The following CREB5 variants were observed in gnomAD, a reference collection of about 807,000 sequenced individuals.
CREB5 encodes the protein cyclic AMP-responsive element-binding protein 5.
CREB5 carries 19 observed loss-of-function variants against 57.1 expected under a neutral mutation model. The observed-to-expected ratio is 0.33, with a 90% CI of 0.23 to 0.49. CREB5 has a LOEUF of 0.49. Ranked by LOEUF, CREB5 falls within the 20% of genes least tolerant of loss-of-function variation. The pLI is 0.99. For missense variants in CREB5, 579 were observed against 671.6 expected (o/e 0.86, Z 1.52); for synonymous variants, 238 against 238.3 (o/e 1.00, Z 0.01).
intron 8 of CREB5, among the ~76,000 whole-genome samples, chr7:28,804,840 G>T (rs554987951): frequency 2.4e-4 from 36 of 152,334 alleles, no homozygotes; most frequent in African/African-American, 8.4e-4. Flanking sequence ...CAATGGATTA[G>T]GAAGAACTTA....
chr7:28,355,440 A>G (rs1388950181), intron 1 of CREB5, among the ~76,000 whole-genome samples: 1 of 152,234 alleles, frequency 6.6e-6, no homozygotes, highest in Non-Finnish European at 1.5e-5. Context: ...ATTTCTTAAA[A>G]TCATAATAAG....
chr7:28,482,649 C>T (rs1382015296), intron 1 of CREB5, among the ~76,000 whole-genome samples: 1 of 152,196 alleles, frequency 6.6e-6, no homozygotes, highest in Admixed American at 6.5e-5. Flanking sequence ...AAGGCTCTTC[C>T]CACACTCACA....
intron 4 of CREB5, among the ~76,000 whole-genome samples, chr7:28,554,330 CTGAAGTTCTGGG>C (rs1315139654): frequency 6.6e-6 from 1 of 152,172 alleles, no homozygotes; most frequent in Admixed American, 6.5e-5. Flanking sequence ...TATTTCAACT[CTGAAGTTCTGGG>C]TGCAGGTACT....
At chr7:28,798,089 C>G (rs1583769360) in intron 7 of CREB5, among the ~76,000 whole-genome samples, 2 of 152,182 alleles carry the variant, frequency 1.3e-5, no homozygotes, top group East Asian at 1.9e-4. Flanking sequence ...CTTCTGTGGT[C>G]AACCCAGAAA....
rs1809757557 is a variant in CREB5, at chr7:28,821,316, C to T, written c.*2037C>T. 1 of 151,916 alleles carries T rather than the reference C, an allele frequency of 6.6e-6. No individual in the cohort carries two copies. The highest frequency in any genetic ancestry group is 6.6e-5 in the Admixed American group (1 of 15,228). 9.4% of individuals were successfully genotyped at this position (151,916 alleles called of 1,614,324 possible). A position where few individuals can be genotyped will look rare whatever the true frequency, so the allele number is the denominator to read the frequency against. On this transcript the variant is annotated 3_prime_UTR_variant, in exon 11 of 11. Transcript: ENST00000357727. Reference sequence around the variant, plus strand: ...GTCTCGAAGCATGATTTTTATATAACTAGTTTCAGTTTTATCTAATAACTT... The same window carrying T: ...GTCTCGAAGCATGATTTTTATATAATTAGTTTCAGTTTTATCTAATAACTT...
intron 1 of CREB5, among the ~76,000 whole-genome samples, chr7:28,438,671 C>T (rs1215648881): frequency 6.6e-6 from 1 of 152,140 alleles, no homozygotes; most frequent in African/African-American, 2.4e-5. Context: ...TGTTTACATA[C>T]ACGTTAACCT....
At chr7:28,729,237 A>G (rs1181794288) in intron 7 of CREB5, among the ~76,000 whole-genome samples, 1 of 152,190 alleles carries the variant, frequency 6.6e-6, no homozygotes, top group East Asian at 1.9e-4. Context: ...GAGGCCCACT[A>G]AAGATTTAGG....
chr7:28,769,060 C>G (rs796139843), intron 7 of CREB5, among the ~76,000 whole-genome samples: 2 of 152,182 alleles, frequency 1.3e-5, no homozygotes, highest in African/African-American at 4.8e-5. Flanking sequence ...CTAAAGGAAA[C>G]ACATTTATTT....
intron 1 of CREB5, among the ~76,000 whole-genome samples, chr7:28,418,250 A>G (rs755225059): frequency 1.5e-4 from 23 of 152,220 alleles, no homozygotes; most frequent in Non-Finnish European, 2.5e-4. Context: ...CACCTTTTAA[A>G]ATATTAGAAG....
chr7:28,445,363 A>G (rs1319349351), intron 1 of CREB5, among the ~76,000 whole-genome samples: 1 of 152,122 alleles, frequency 6.6e-6, no homozygotes, highest in African/African-American at 2.4e-5. Flanking sequence ...CTATCTTACA[A>G]AAGGATTTTC....
At chr7:28,560,937 CGT>C (rs368310579) in intron 4 of CREB5, among the ~76,000 whole-genome samples, 2,352 of 35,064 alleles carry the variant, frequency 0.067, 354 homozygotes, top group African/African-American at 0.18. Flanking sequence ...TGCGTGTGTG[CGT>C]GCGTGTGTGT....
At position 28,472,403 on chromosome 7, in the gene CREB5, T is replaced by C. The variant is rs561213097; in HGVS notation, c.4-15772T>C. On this transcript the variant is annotated intron_variant, in intron 1 of 10. Coordinates refer to ENST00000357727, the MANE Select transcript of CREB5 (RefSeq NM_182898.4). ...AAAAAAATCTATGACATAGGTATTA[T>C]CTCTATTTATAGATGAGGAAATATG... Among the ~76,000 whole-genome samples, 55 of 152,356 alleles carry C rather than the reference T, an allele frequency of 3.6e-4. No homozygotes were observed. The South Asian group carries it at 3.9e-3, about 11-fold the overall frequency.
chr7:28,559,361 C>A (rs1262427836), intron 4 of CREB5, among the ~76,000 whole-genome samples: 1 of 152,216 alleles, frequency 6.6e-6, no homozygotes, highest in South Asian at 2.1e-4. Flanking sequence ...GTCACCCAGG[C>A]TGGAGTGCAG....
intron 1 of CREB5, among the ~76,000 whole-genome samples, chr7:28,332,921 T>C (rs1356283624): frequency 2.0e-5 from 3 of 152,240 alleles, no homozygotes; most frequent in African/African-American, 7.2e-5. Context: ...TGACATAAGA[T>C]ACTGTATATA....
intron 3 of CREB5, among the ~76,000 whole-genome samples, chr7:28,506,631 C>T (rs1319509504): frequency 2.0e-5 from 3 of 152,220 alleles, no homozygotes; most frequent in East Asian, 3.9e-4. Flanking sequence ...GCTAGGCTTT[C>T]TTCCGTGGTC....
intron 5 of CREB5, among the ~76,000 whole-genome samples, chr7:28,591,091 A>T (rs796777298): frequency 1.3e-5 from 2 of 152,338 alleles, no homozygotes; most frequent in African/African-American, 2.4e-5. Context: ...TTAGTCTCAC[A>T]TAAAATGTCT....
At chr7:28,543,340 TA>T (rs1794282927) in intron 4 of CREB5, among the ~76,000 whole-genome samples, 1 of 152,226 alleles carries the variant, frequency 6.6e-6, no homozygotes, top group African/African-American at 2.4e-5. Context: ...ATTCATATAC[TA>T]AAACTTATAG....
intron 5 of CREB5, among the ~76,000 whole-genome samples, chr7:28,643,838 G>A (rs1798785873): frequency 6.6e-6 from 1 of 151,844 alleles, no homozygotes; most frequent in African/African-American, 2.4e-5. Flanking sequence ...CCAGCACTTT[G>A]GCAGGGCCAA....
At chr7:28,598,900 G>A (rs1796802158) in intron 5 of CREB5, among the ~76,000 whole-genome samples, 1 of 152,120 alleles carries the variant, frequency 6.6e-6, no homozygotes, top group African/African-American at 2.4e-5. Flanking sequence ...TTAAACAAGG[G>A]ACACCTTGCT....
Sources: allele counts gnomAD v4.1 joint callset (sites outside exome capture counted in the v4.1 genomes callset), GRCh38; gene constraint gnomAD v4.1.1; transcripts MANE v1.5; gene names NCBI Gene and HGNC (gene_info 2026-07-23, HGNC 2026-07-21).